The following SRGAP2 variants were observed in gnomAD, a reference collection of about 807,000 sequenced individuals.
SRGAP2 encodes the protein SLIT-ROBO Rho GTPase-activating protein 2.
In SRGAP2, 15 loss-of-function variants were observed where a neutral mutation model predicts 57.2. The ratio of observed to expected loss-of-function variants is 0.26; its 90% CI spans 0.18 to 0.40. The LOEUF (loss-of-function observed/expected upper bound fraction) is 0.40, where lower values mean the gene tolerates loss of function less well. SRGAP2 is among the 10% of genes least tolerant of loss of function. The pLI is 1.00. For synonymous variants in SRGAP2, 249 were observed against 248.0 expected (o/e 1.00, Z -0.04); for missense variants, 520 against 669.6 (o/e 0.78, Z 2.47).
At chr1:206,253,713 C>T (rs1190302835) in intron 2 of SRGAP2, among the ~76,000 whole-genome samples, 1 of 150,730 alleles carries the variant, frequency 6.6e-6, no homozygotes, top group Admixed American at 6.6e-5. Context: ...TCCCGAGTAG[C>T]TGGGACTACA....
chr1:206,203,703 C>A, intron 1 of SRGAP2, 53 bp downstream of exon 1: 1 of 1,257,684 alleles, frequency 8.0e-7, no homozygotes, highest in South Asian at 1.5e-5. Flanking sequence ...GGGCTGGAGC[C>A]CTGACTGAAC....
At chr1:206,420,651 C>T (rs1299187361) in intron 12 of SRGAP2, among the ~76,000 whole-genome samples, 2 of 152,174 alleles carry the variant, frequency 1.3e-5, no homozygotes, top group East Asian at 3.8e-4. Flanking sequence ...GCAGGACAGC[C>T]CTGGCCTCCT....
At chr1:206,434,210 C>T (rs1661525609) in intron 14 of SRGAP2, among the ~76,000 whole-genome samples, 1 of 152,034 alleles carries the variant, frequency 6.6e-6, no homozygotes, top group Non-Finnish European at 1.5e-5. Context: ...TGAGAAAGCT[C>T]AGTGGTGGGT....
chr1:206,353,798 ATTTTTTTTTTTTTTTT>A (rs566625693), intron 4 of SRGAP2, among the ~76,000 whole-genome samples: 4 of 127,330 alleles, frequency 3.1e-5, no homozygotes, highest in African/African-American at 9.1e-5. Flanking sequence ...TTTATTTCAG[ATTTTTTTTTTTTTTTT>A]TTTGAGATGG....
rs982657602 is a variant in SRGAP2, at chr1:206,447,193, C to G, written c.2099+894C>G. 4.6e-5 allele frequency among the ~76,000 whole-genome samples: 7 copies of G among 151,790 alleles called. No individual in the cohort carries two copies. In the East Asian group the frequency reaches 9.6e-4, roughly 21 times the overall value. On this transcript the variant is annotated intron_variant, in intron 18 of 22. Transcript: ENST00000573034. ...CCCTTACCTCCCCCTCCTCCTCCCC[C>G]TCCCTTCTTCCCCTAAATAGTATTT...
At chr1:206,434,289 G>GA (rs1391834867) in intron 14 of SRGAP2, among the ~76,000 whole-genome samples, 13 of 151,926 alleles carry the variant, frequency 8.6e-5, no homozygotes, top group South Asian at 2.1e-4. Flanking sequence ...AATCATGATG[G>GA]AAAAAAACAA....
chr1:206,414,467 T>C (rs6702065), intron 10 of SRGAP2, among the ~76,000 whole-genome samples: 454 of 152,310 alleles, frequency 3.0e-3, no homozygotes, highest in African/African-American at 0.01. Context: ...TTTAAAATGG[T>C]GCATCCACCT....
chr1:206,359,103 A>T (rs1676693077), intron 4 of SRGAP2, among the ~76,000 whole-genome samples: 1 of 151,868 alleles, frequency 6.6e-6, no homozygotes, highest in African/African-American at 2.4e-5. Flanking sequence ...TTCTTATCTT[A>T]CAGAAATATC....
chr1:206,429,199 C>A (rs1390903449), intron 13 of SRGAP2, among the ~76,000 whole-genome samples: 1 of 152,198 alleles, frequency 6.6e-6, no homozygotes, highest in African/African-American at 2.4e-5. Flanking sequence ...TGAAGCAAAA[C>A]AACAGAGCAA....
intron 3 of SRGAP2, among the ~76,000 whole-genome samples, chr1:206,304,040 G>A (rs1449764546): frequency 6.6e-6 from 1 of 152,160 alleles, no homozygotes. Flanking sequence ...AATAAATGAT[G>A]TTGAGGCCAT....
Position 206,455,036 on chromosome 1 carries a change from T to C in SRGAP2, c.2507+12T>C, listed in dbSNP as rs1284568381. 5.1e-6 allele frequency: 4 copies of C among 780,716 alleles called. No homozygotes were observed. Among genetic ancestry groups the C allele is most frequent in the Non-Finnish European group, 9.6e-6 (4 of 417,990 alleles). 48.4% of individuals were successfully genotyped at this position (780,716 alleles called of 1,614,324 possible). A position where few individuals can be genotyped will look rare whatever the true frequency, so the allele number is the denominator to read the frequency against. The stretch of plus-strand genomic sequence containing the variant: ...GCAAACATCAACAAGTAAGCTCTGC[T>C]TTTCATTTTCTGCTCCCCTGAATGA... On this transcript the variant is annotated intron_variant, in intron 21 of 22. Transcript: ENST00000573034.
At chr1:206,275,656 C>T (rs1343198797) in intron 2 of SRGAP2, among the ~76,000 whole-genome samples, 2 of 148,662 alleles carry the variant, frequency 1.3e-5, no homozygotes, top group East Asian at 3.9e-4. Context: ...CACTCTGTCA[C>T]CAGGCTGGAG....
chr1:206,394,563 C>T (rs199669750), intron 7 of SRGAP2, among the ~76,000 whole-genome samples: 1 of 152,148 alleles, frequency 6.6e-6, no homozygotes, highest in Non-Finnish European at 1.5e-5. Flanking sequence ...CAGAGGACTA[C>T]GAGACTCACT....
chr1:206,387,074 C>A (rs1219630363), intron 5 of SRGAP2, among the ~76,000 whole-genome samples: 11 of 132,362 alleles, frequency 8.3e-5, no homozygotes, highest in African/African-American at 3.2e-4. Context: ...AGCAGTGAGC[C>A]AAGATCGTGC....
intron 22 of SRGAP2, among the ~76,000 whole-genome samples, chr1:206,460,004 G>A (rs1664131578): frequency 6.6e-6 from 1 of 152,234 alleles, no homozygotes; most frequent in African/African-American, 2.4e-5. Context: ...TAGCTGTAGA[G>A]TGCGACTGAG....
At chr1:206,294,506 GT>G (rs1671481270) in intron 2 of SRGAP2, among the ~76,000 whole-genome samples, 1 of 103,414 alleles carries the variant, frequency 9.7e-6, no homozygotes, top group Non-Finnish European at 1.8e-5. Context: ...CAAGATTACT[GT>G]CTTACCTTTG....
At chr1:206,305,414 G>A (rs1347788128) in intron 3 of SRGAP2, among the ~76,000 whole-genome samples, 5 of 151,988 alleles carry the variant, frequency 3.3e-5, no homozygotes, top group Admixed American at 3.3e-4. Context: ...ATCTTTGCAT[G>A]TCTAAGCCAT....
At chr1:206,395,846 C>T (rs1195800239) in intron 7 of SRGAP2, among the ~76,000 whole-genome samples, 1 of 146,158 alleles carries the variant, frequency 6.8e-6, no homozygotes, top group Admixed American at 6.7e-5. Context: ...AAAAAAAAAA[C>T]GTCTGCTAAG....
chr1:206,439,985 A>G lies in SRGAP2; in HGVS notation c.1778A>G (p.Asn593Ser), dbSNP rs1572159944. The G allele has an allele frequency of 1.3e-6, 1 of 780,758 alleles. No homozygotes were observed. The highest frequency in any genetic ancestry group is 1.3e-5 in the South Asian group (1 of 74,608). The allele number at this position is 780,758 out of a possible 1,614,324, so 48.4% of individuals were successfully genotyped here. ...GCTTTCTTCTTTTCAGCAATGGACA[A>G]CCTGCAGGAGAGAGCTCTGCACATC... is the stretch of plus-strand genomic sequence containing the variant. ...HDLMACVTMD[N>S]LQERALHIRK... Residue 593 changes from asparagine (N) to serine (S), a missense_variant, in exon 17 of 23, where the codon AAC becomes AGC. This residue lies in a region of SRGAP2 where 478 missense variants were observed against 373.6 expected (regional missense o/e 1.28). Coordinates refer to ENST00000573034, the MANE Select transcript of SRGAP2 (RefSeq NM_015326.5).
Sources: gnomAD v4.1 joint callset for allele counts (sites outside exome capture counted in the v4.1 genomes callset) on GRCh38, gnomAD v4.1.1 for gene constraint, gnomAD v4.1.1 regional missense constraint, MANE v1.5 for transcripts, NCBI Gene and HGNC (gene_info 2026-07-23, HGNC 2026-07-21) for gene names.